The following LRBA variants were observed in gnomAD, a reference collection of about 807,000 sequenced individuals.
LRBA encodes the protein lipopolysaccharide-responsive and beige-like anchor protein.
In LRBA, 176 loss-of-function variants were observed where a neutral mutation model predicts 330.0. The observed-to-expected ratio is 0.53, with a 90% confidence interval of 0.47 to 0.60. The LOEUF (loss-of-function observed/expected upper bound fraction) is 0.60. LRBA is among the 20% of genes least tolerant of loss of function. LRBA has a pLI of 0.00. For missense variants in LRBA, 3,259 were observed against 3,444.8 expected, an observed-to-expected ratio of 0.95 and a Z score of 1.35; for synonymous variants, 1,230 against 1,193.0, an observed-to-expected ratio of 1.03 and a Z score of -0.64.
intron 35 of LRBA, among the ~76,000 whole-genome samples, chr4:150,751,890 G>A (rs1263336097): frequency 1.3e-5 from 2 of 152,002 alleles, no homozygotes; most frequent in Admixed American, 1.3e-4. Context: ...CTAGACCTTG[G>A]GTAAGCACAT....
At chr4:150,553,848 A>T (rs1169703902) in intron 40 of LRBA, among the ~76,000 whole-genome samples, 1 of 152,164 alleles carries the variant, frequency 6.6e-6, no homozygotes, top group Non-Finnish European at 1.5e-5. Flanking sequence ...AGAGAAGGGT[A>T]AAGGGAAGCT....
At chr4:150,792,559 A>C (rs995103428) in intron 34 of LRBA, among the ~76,000 whole-genome samples, 2 of 152,120 alleles carry the variant, frequency 1.3e-5, no homozygotes, top group Non-Finnish European at 2.9e-5. Flanking sequence ...CCCAGACTGG[A>C]GTGCACCAGT....
At chr4:150,932,190 A>G (rs983154220) in intron 2 of LRBA, among the ~76,000 whole-genome samples, 66 of 152,282 alleles carry the variant, frequency 4.3e-4, no homozygotes, top group African/African-American at 1.6e-3. Flanking sequence ...TGGACTTCAT[A>G]TTGACATATT....
chr4:150,675,184 C>G (rs1260866877), intron 37 of LRBA, among the ~76,000 whole-genome samples: 6 of 152,042 alleles, frequency 3.9e-5, no homozygotes, highest in African/African-American at 1.2e-4. Flanking sequence ...CAGAGCAAGA[C>G]CCTAGCTCAA....
At position 150,871,364 on chromosome 4, in the gene LRBA, G is replaced by C. The variant is rs576530352; in HGVS notation, c.2348C>G (p.Thr783Arg). 1 of 1,606,294 alleles carries C rather than the reference G, an allele frequency of 6.2e-7. No homozygotes were observed. Among genetic ancestry groups the C allele is most frequent in the African/African-American group, 1.3e-5 (1 of 74,914 alleles). ...MLQTNLITMT[T>R]YNVLFEILIE... is the part of the protein sequence containing the mutation. ...TCCTACCTCAAACAGCACATTATAT[G>C]TGGTCATTGTGATTAAATTTGTCTG... is the stretch of plus-strand genomic sequence containing the variant. The change falls in exon 19 of 57, where the codon ACA becomes AGA. Residue 783 changes from threonine (T) to arginine (R), a missense_variant. By Grantham distance (71) the Thr-to-Arg change is moderately conservative. Transcript: ENST00000651943.
chr4:150,860,199 G>A (rs752090748), intron 22 of LRBA, among the ~76,000 whole-genome samples: 2 of 152,036 alleles, frequency 1.3e-5, no homozygotes, highest in Admixed American at 6.6e-5. Context: ...AAATCCACAC[G>A]AAGGAATAAA....
chr4:150,771,890 C>A (rs1290801524), intron 34 of LRBA, among the ~76,000 whole-genome samples: 3 of 152,150 alleles, frequency 2.0e-5, no homozygotes, highest in South Asian at 2.1e-4. Context: ...GTGTTCCCAG[C>A]CACTTTAGTA....
At chr4:150,315,381 G>A (rs1225318990) in intron 51 of LRBA, 180 bp downstream of exon 51, 4 of 653,420 alleles carry the variant, frequency 6.1e-6, no homozygotes, top group Non-Finnish European at 1.1e-5. Context: ...GCAAACCAAC[G>A]AGGGGGAGTT....
At chr4:150,689,605 G>A (rs898250174) in intron 36 of LRBA, among the ~76,000 whole-genome samples, 13 of 151,792 alleles carry the variant, frequency 8.6e-5, no homozygotes, top group African/African-American at 1.5e-4. Context: ...TGTTTATATC[G>A]GTGAATTCCA....
chr4:150,572,675 A>G (rs1770016056), intron 40 of LRBA, among the ~76,000 whole-genome samples: 2 of 152,254 alleles, frequency 1.3e-5, no homozygotes, highest in African/African-American at 4.8e-5. Flanking sequence ...AAGGAAGTTT[A>G]GCTCTGTAAC....
chr4:150,662,141 C>G (rs910285034), intron 37 of LRBA, among the ~76,000 whole-genome samples: 1 of 152,148 alleles, frequency 6.6e-6, no homozygotes, highest in African/African-American at 2.4e-5. Flanking sequence ...AAAATCTCAT[C>G]TAAATCCCAA....
intron 44 of LRBA, among the ~76,000 whole-genome samples, chr4:150,461,972 A>T (rs1362379973): frequency 1.3e-5 from 2 of 151,788 alleles, no homozygotes; most frequent in Non-Finnish European, 3.0e-5. Context: ...ATCCTAATCT[A>T]CAAAGGAAGC....
intron 47 of LRBA, among the ~76,000 whole-genome samples, chr4:150,389,703 G>C (rs904066816): frequency 3.2e-5 from 4 of 123,952 alleles, no homozygotes; most frequent in Non-Finnish European, 7.4e-5. Context: ...AAAAAGAAAG[G>C]AATCAAAACT....
At chr4:150,595,888 GA>G (rs1161363407) in intron 38 of LRBA, among the ~76,000 whole-genome samples, 1 of 151,856 alleles carries the variant, frequency 6.6e-6, no homozygotes, top group Non-Finnish European at 1.5e-5. Context: ...CTGGCATTAG[GA>G]AAATGTTACA....
intron 37 of LRBA, among the ~76,000 whole-genome samples, chr4:150,637,589 CTT>C (rs1426887035): frequency 6.6e-5 from 10 of 152,178 alleles, no homozygotes; most frequent in East Asian, 5.8e-4. Context: ...ACTCCTCTCT[CTT>C]GATGGCTTTG....
intron 13 of LRBA, 52 bp downstream of exon 13, chr4:150,905,786 C>T: frequency 6.8e-7 from 1 of 1,468,658 alleles, no homozygotes; most frequent in Non-Finnish European, 9.3e-7. Flanking sequence ...TCTCCTCACG[C>T]ACAAAAACAG....
intron 47 of LRBA, among the ~76,000 whole-genome samples, chr4:150,392,416 G>C (rs368654134): frequency 2.0e-5 from 3 of 152,132 alleles, no homozygotes; most frequent in Non-Finnish European, 4.4e-5. Context: ...CATATTTGCT[G>C]TTTCTTCTTA....
chr4:150,316,565 C>G (rs1731745890), intron 50 of LRBA, among the ~76,000 whole-genome samples: 1 of 152,114 alleles, frequency 6.6e-6, no homozygotes, highest in Non-Finnish European at 1.5e-5. Context: ...ACTATTTTCC[C>G]CAAACGACTC....
At chr4:150,875,190 C>T (rs1753867271) in intron 17 of LRBA, among the ~76,000 whole-genome samples, 1 of 152,198 alleles carries the variant, frequency 6.6e-6, no homozygotes, top group Admixed American at 6.5e-5. Context: ...AGCCTATCTC[C>T]AGGGATTCAA....
Sources: gnomAD v4.1 joint callset for allele counts (sites outside exome capture counted in the v4.1 genomes callset) on GRCh38, gnomAD v4.1.1 for gene constraint, MANE v1.5 for transcripts, NCBI Gene and HGNC (gene_info 2026-07-23, HGNC 2026-07-21) for gene names.